The following GATA4 variants were observed in gnomAD, a reference collection of about 807,000 sequenced individuals.
GATA4 encodes transcription factor GATA-4.
In GATA4, 7 loss-of-function variants were observed where a neutral mutation model predicts 37.9. The observed-to-expected ratio is 0.18, with a 90% CI of 0.11 to 0.35. GATA4 has a LOEUF of 0.35. Ranked by LOEUF, GATA4 falls within the 10% of genes least tolerant of loss-of-function variation. The pLI, the probability that GATA4 is intolerant of heterozygous loss-of-function variation, is 1.00. For missense variants in GATA4, 647 were observed against 653.0 expected (o/e 0.99, Z 0.10); for synonymous variants, 372 against 292.6 (o/e 1.27, Z -2.77).
intron 2 of GATA4, among the ~76,000 whole-genome samples, chr8:11,718,573 G>A (rs966260205): frequency 6.6e-6 from 1 of 152,190 alleles, no homozygotes; most frequent in African/African-American, 2.4e-5. Flanking sequence ...ACAATTTGGT[G>A]GGAATTTTGA....
chr8:11,718,741 T>C lies in GATA4; in HGVS notation c.616+9813T>C, dbSNP rs1800539290. ...TTAAATCTTCCTTTCTACTCCCCAG[T>C]TGAAATCTCCATTTCTACTTCTAGA... On this transcript the variant is annotated intron_variant, in intron 2 of 6. Transcript: ENST00000532059. Among the ~76,000 whole-genome samples, 4 of 152,266 alleles carry C rather than the reference T, an allele frequency of 2.6e-5. 1 individual carries two copies. In the South Asian group the frequency reaches 6.2e-4, roughly 24 times the overall value.
chr8:11,704,980 G>C lies in GATA4; in HGVS notation c.-458+676G>C, dbSNP rs536009041. Among the ~76,000 whole-genome samples the C allele has an allele frequency of 2.6e-5, 4 of 152,374 alleles. No individual in the cohort carries two copies. In the East Asian group the frequency reaches 7.7e-4, roughly 29 times the overall value. Reference sequence around the variant, plus strand: ...AAGGGCCCGAGCCCGGACCGGAGCCGTGACTTCCCTCCGCCGGCCACGGGG... The same window carrying C: ...AAGGGCCCGAGCCCGGACCGGAGCCCTGACTTCCCTCCGCCGGCCACGGGG... On this transcript the variant is annotated intron_variant, in intron 1 of 6. Coordinates refer to ENST00000532059, the MANE Select transcript of GATA4 (RefSeq NM_001308093.3).
chr8:11,691,146 G>C (rs1799300543), upstream of GATA4, among the ~76,000 whole-genome samples: 1 of 152,250 alleles, frequency 6.6e-6, no homozygotes. Flanking sequence ...GCAATGTCCA[G>C]TGTTACTCAG....
intron 2 of GATA4, among the ~76,000 whole-genome samples, chr8:11,726,170 C>T (rs1800914521): frequency 6.6e-6 from 1 of 152,200 alleles, no homozygotes; most frequent in Admixed American, 6.5e-5. Context: ...GCAGCTTTGG[C>T]TCACATATTC....
At position 11,684,870 on chromosome 8, in the gene GATA4, A is replaced by G. The variant is rs372163644; in HGVS notation, c.-274+7807A>G. ...TGACACACTGATAAATATGTTTTTT[A>G]TTTAGCTTAGCCAAAATTGACTGCT... On this transcript the variant is annotated intron_variant, in intron 1 of 6. Coordinates refer to the GATA4 transcript ENST00000528712. 2.6e-5 allele frequency among the ~76,000 whole-genome samples: 4 copies of G among 152,210 alleles called. No homozygotes were observed. In the East Asian group the frequency reaches 7.7e-4, roughly 29 times the overall value.
Position 11,749,393 on chromosome 8 carries a change from T to A in GATA4, c.786+308T>A, listed in dbSNP as rs1459388211. ...CTCTGGAACCAGAATCCAGGTTTCC[T>A]GGTTCCCAGTCCAGTGTTGACTGGA... On this transcript the variant is annotated intron_variant, in intron 3 of 6. Transcript: ENST00000532059. This position sits in a 1 kb window ranked among gnomAD's most constrained non-coding sequence, Gnocchi z 4.6. 2.0e-5 allele frequency among the ~76,000 whole-genome samples: 3 copies of A among 152,170 alleles called. No homozygotes were observed. Among genetic ancestry groups the A allele is most frequent in the Non-Finnish European group, 4.4e-5 (3 of 68,014 alleles).
At chr8:11,750,033 C>G in intron 3 of GATA4, 78 bp from the exon 4 acceptor site, 1 of 1,606,720 alleles carries the variant, frequency 6.2e-7, no homozygotes, top group Non-Finnish European at 8.5e-7. Context: ...GGAGGCCCAG[C>G]TCCGCAGCCA....
In GATA4 at chr8:11,758,318, G is replaced by C. The variant is rs147093296; in HGVS notation, c.1175G>C (p.Gly392Ala). ...ACGTTCTCAGTCAGTGCGATGTCTGGCCATGGGCCCTCCATCCACCCTGTC... is the reference window on the plus strand; with the variant it reads ...ACGTTCTCAGTCAGTGCGATGTCTGCCCATGGGCCCTCCATCCACCCTGTC... ...SQTFSVSAMS[G>A]HGPSIHPVLS... The change falls in exon 7 of 7, where the codon GGC becomes GCC. Residue 392 changes from glycine (G) to alanine (A), a missense_variant. This residue lies in a region of GATA4 where 184 missense variants were observed against 157.1 expected (regional missense o/e 1.17). Coordinates refer to ENST00000532059, the MANE Select transcript of GATA4 (RefSeq NM_001308093.3). 3.1e-6 allele frequency: 5 copies of C among 1,614,010 alleles called. No homozygotes were observed. In the African/African-American group the frequency reaches 5.3e-5, roughly 17 times the overall value.
intron 1 of GATA4, among the ~76,000 whole-genome samples, chr8:11,695,235 G>A (rs776287424): frequency 6.6e-6 from 1 of 151,990 alleles, no homozygotes; most frequent in Non-Finnish European, 1.5e-5. Flanking sequence ...GAGAAACCCC[G>A]TCTCTATTAA....
In GATA4 at chr8:11,736,580, C is replaced by G. The variant is rs117982404; in HGVS notation, c.617-12336C>G. On this transcript the variant is annotated intron_variant, in intron 2 of 6. Transcript: ENST00000532059. The stretch of plus-strand genomic sequence containing the variant: ...AGGGCGCCCTCTAGAGGCTGGAGGA[C>G]CTTCGTCAAGACCCCGGGGGGTGTG... 4.9e-3 allele frequency among the ~76,000 whole-genome samples: 745 copies of G among 152,364 alleles called. 9 individuals are homozygous for G. The highest frequency in any genetic ancestry group is 0.042 in the East Asian group (216 of 5,178).
chr8:11,755,198 A>C (rs773769925), intron 5 of GATA4, 65 bp downstream of exon 5: 2 of 1,365,978 alleles, frequency 1.5e-6, no homozygotes, highest in Non-Finnish European at 2.1e-6. Flanking sequence ...CCTAAGAATC[A>C]TATCTTCCGG....
At chr8:11,689,810 T>G (rs1411041669), upstream of GATA4, among the ~76,000 whole-genome samples, 1 of 152,170 alleles carries the variant, frequency 6.6e-6, no homozygotes, top group African/African-American at 2.4e-5. Flanking sequence ...CTGCCTTATC[T>G]CTGATCCTCT....
chr8:11,750,155 C>G lies in GATA4; in HGVS notation c.831C>G (p.Thr277=). The G allele has an allele frequency of 6.2e-7, 1 of 1,613,250 alleles. No individual in the cohort carries two copies. The highest frequency in any genetic ancestry group is 8.5e-7 in the Non-Finnish European group (1 of 1,179,754). Residue 277 remains threonine, a synonymous_variant, in exon 4 of 7, where the codon ACC becomes ACG. Transcript: ENST00000532059. The part of the protein sequence containing the change: ...RVGLSCANCQ[T]TTTTLWRRNA... Reference sequence around the variant, plus strand: ...GCCTCTCCTGTGCCAACTGCCAGACCACCACCACCACGCTGTGGCGCCGCA... The same window carrying G: ...GCCTCTCCTGTGCCAACTGCCAGACGACCACCACCACGCTGTGGCGCCGCA...
At chr8:11,680,884 C>A (rs958247212) in intron 1 of GATA4, 50 of 985,244 alleles carry the variant, frequency 5.1e-5, no homozygotes, top group Admixed American at 6.1e-5. Flanking sequence ...AGTTGCGACC[C>A]CCTGTGTGAG....
At chr8:11,701,037 T>C (rs1002241680), upstream of GATA4, among the ~76,000 whole-genome samples, 1 of 152,172 alleles carries the variant, frequency 6.6e-6, no homozygotes, top group Non-Finnish European at 1.5e-5. Context: ...AACCAGTGTT[T>C]AGATTGCTCT....
In GATA4 at chr8:11,749,880, T is replaced by G. The variant is rs1802210570; in HGVS notation, c.787-231T>G. ...GTTAGGACTGGAAACCAGGTCTCGATGCCCACGTTCGCTCTCCTCGGGCAG... is the reference window on the plus strand; with the variant it reads ...GTTAGGACTGGAAACCAGGTCTCGAGGCCCACGTTCGCTCTCCTCGGGCAG... On this transcript the variant is annotated intron_variant, in intron 3 of 6. Transcript: ENST00000532059. This position sits in a 1 kb window ranked among gnomAD's most constrained non-coding sequence, Gnocchi z 4.6. Among the ~76,000 whole-genome samples, 1 of 152,236 alleles carries G rather than the reference T, an allele frequency of 6.6e-6. No individual in the cohort carries two copies. Among genetic ancestry groups the G allele is most frequent in the Non-Finnish European group, 1.5e-5 (1 of 68,042 alleles).
At chr8:11,730,001 C>T (rs753824765) in intron 2 of GATA4, among the ~76,000 whole-genome samples, 1 of 152,164 alleles carries the variant, frequency 6.6e-6, no homozygotes, top group Non-Finnish European at 1.5e-5. Context: ...TCATGGCTCA[C>T]TGCAGTCTTT....
rs116609033 is a variant in GATA4 at position 11,724,983 on chromosome 8, G to A, written c.616+16055G>A. On this transcript the variant is annotated intron_variant, in intron 2 of 6. Transcript: ENST00000532059. The stretch of plus-strand genomic sequence containing the variant: ...CGCCTTCCATGTGCCCCTCATGCCC[G>A]CAGTGTACACGGGCTGGGGGTGGGT... Among the ~76,000 whole-genome samples, 183 of 152,346 alleles carry A rather than the reference G, an allele frequency of 1.2e-3. 1 individual carries two copies. Among genetic ancestry groups the A allele is most frequent in the African/African-American group, 4.2e-3 (176 of 41,584 alleles).
intron 2 of GATA4, among the ~76,000 whole-genome samples, chr8:11,710,135 C>T (rs2130082274): frequency 6.6e-6 from 1 of 152,298 alleles, no homozygotes; most frequent in South Asian, 2.1e-4. Context: ...TGTCCTCTGG[C>T]CCTGGGTGGC....
Sources: gnomAD v4.1 joint callset for allele counts (sites outside exome capture counted in the v4.1 genomes callset) on GRCh38, gnomAD v4.1.1 for gene constraint, gnomAD v4.1.1 regional missense constraint, Gnocchi (gnomAD v3.1) non-coding constraint, MANE v1.5 for transcripts, NCBI Gene and HGNC (gene_info 2026-07-23, HGNC 2026-07-21) for gene names.